The following SCUBE2 variants were observed in gnomAD, a reference collection of about 807,000 sequenced individuals.
The protein encoded by SCUBE2 is signal peptide, CUB domain and EGF like domain containing 2.
In SCUBE2, 114 loss-of-function variants were observed where a neutral mutation model predicts 125.9. The observed-to-expected ratio is 0.91, with a 90% confidence interval of 0.78 to 1.06. The LOEUF is 1.06. SCUBE2 is among the 50% of genes least tolerant of loss of function. The pLI is 0.00. For synonymous variants in SCUBE2, 459 were observed against 492.9 expected, an observed-to-expected ratio of 0.93 and a Z score of 0.91; for missense variants, 1,255 against 1,301.8, an observed-to-expected ratio of 0.96 and a Z score of 0.55.
Position 9,060,538 on chromosome 11 carries a change from A to G in SCUBE2, c.851-14T>C. On this transcript the variant is annotated splice_polypyrimidine_tract_variant and intron_variant, in intron 7 of 22. Coordinates refer to ENST00000649792, the MANE Select transcript of SCUBE2 (RefSeq NM_001367977.2). ...CAGCACACGTTTCTGGCAAGGAGGTAAGAAAAGACAATTAGCTTCCCAAAG... is the reference window on the plus strand; with the variant it reads ...CAGCACACGTTTCTGGCAAGGAGGTGAGAAAAGACAATTAGCTTCCCAAAG... 4 of 1,604,940 alleles carry G rather than the reference A, an allele frequency of 2.5e-6. No individual in the cohort carries two copies. The highest frequency in any genetic ancestry group is 2.2e-5 in the East Asian group (1 of 44,812).
intron 3 of SCUBE2, 143 bp from the exon 4 acceptor site, chr11:9,074,758 T>A: frequency 1.0e-6 from 1 of 998,002 alleles, no homozygotes; most frequent in South Asian, 1.5e-5. Flanking sequence ...TCAAAGCCGG[T>A]AAGGTCCACA....
chr11:9,055,774 A>C lies in SCUBE2; in HGVS notation c.1207+19T>G. On this transcript the variant is annotated intron_variant, in intron 10 of 22. Transcript: ENST00000649792. ...CCAGCCTCATTCCCCTCCCAACTTG[A>C]CAGGGGCAGTCTGCTCACCTCCACA... is the stretch of plus-strand genomic sequence containing the variant. The C allele has an allele frequency of 6.3e-7, 1 of 1,596,336 alleles. No homozygotes were observed.
chr11:9,033,562 G>A, intron 17 of SCUBE2, 64 bp downstream of exon 17: 2 of 1,551,398 alleles, frequency 1.3e-6, no homozygotes, highest in Non-Finnish European at 1.8e-6. Flanking sequence ...TCCTTGAGAT[G>A]CCTTCTGTCT....
chr11:9,034,620 G>C (rs1437862947), intron 16 of SCUBE2, among the ~76,000 whole-genome samples: 2 of 152,122 alleles, frequency 1.3e-5, no homozygotes, highest in African/African-American at 2.4e-5. Flanking sequence ...TTCATTCTCT[G>C]GTGGCCGGCT....
In SCUBE2 at chr11:9,053,198, G is replaced by A. The variant is rs1267859369; in HGVS notation, c.1348C>T (p.Pro450Ser). 3 of 1,614,090 alleles carry A rather than the reference G, an allele frequency of 1.9e-6. No individual in the cohort carries two copies. The highest frequency in any genetic ancestry group is 1.1e-5 in the South Asian group (1 of 91,076). The change falls in exon 12 of 23, where the codon CCC becomes TCC. Residue 450 changes from proline (P) to serine (S), a missense_variant. Coordinates refer to ENST00000649792, the MANE Select transcript of SCUBE2 (RefSeq NM_001367977.2). ...GACACACGGGGTGACACACTTGTGG[G>A]CAGGAGCCCCTTCACTTCTAGACAG... ...KDCVEVKGLL[P>S]TSVSPRVSLH...
chr11:9,053,078 C>T (rs374883608), intron 12 of SCUBE2, 21 bp downstream of exon 12: 34 of 1,602,354 alleles, frequency 2.1e-5, no homozygotes, highest in Non-Finnish European at 2.7e-5. Context: ...GGACCTGCCC[C>T]GGGAACTGGG....
rs1009071028 is a variant in SCUBE2 at position 9,030,884 on chromosome 11, G to A, written c.2215C>T (p.Pro739Ser). ...PGEYSADGFA[P>S]CQLCALGTFQ... ...GTGCCCAGGGCACAGAGCTGGCAAGGTGCAAAGCCATCTGCAGAATATTCA... is the reference window on the plus strand; with the variant it reads ...GTGCCCAGGGCACAGAGCTGGCAAGATGCAAAGCCATCTGCAGAATATTCA... The change falls in exon 18 of 23, where the codon CCT becomes TCT. Residue 739 changes from proline (P) to serine (S), a missense_variant. Pro to Ser is a moderately conservative substitution (Grantham distance 74). This residue lies in a region of SCUBE2 where 515 missense variants were observed against 515.7 expected (regional missense o/e 1.00). Coordinates refer to ENST00000649792, the MANE Select transcript of SCUBE2 (RefSeq NM_001367977.2). 51 of 1,614,052 alleles carry A rather than the reference G, an allele frequency of 3.2e-5. No individual in the cohort carries two copies. Among genetic ancestry groups the A allele is most frequent in the Non-Finnish European group, 4.3e-5 (51 of 1,180,022 alleles).
intron 9 of SCUBE2, among the ~76,000 whole-genome samples, chr11:9,058,600 A>G (rs1459843477): frequency 1.2e-4 from 9 of 75,360 alleles, no homozygotes; most frequent in Non-Finnish European, 1.4e-4. Context: ...TGTCTCAAAA[A>G]AAAAAAAAAA....
In SCUBE2 at chr11:9,047,437, C is replaced by T. The variant is rs924117109; in HGVS notation, c.1921G>A (p.Val641Met). The T allele has an allele frequency of 3.7e-6, 6 of 1,614,004 alleles. No individual in the cohort carries two copies. Among genetic ancestry groups the T allele is most frequent in the South Asian group, 3.3e-5 (3 of 91,082 alleles). ...GATGTTCTGGGAGGCTTTTTAGCCA[C>T]GTCGAGGTTCATGCCTGAGAGCTGG... Reference protein sequence around the residue: ...HLQLSGMNLDVAKKPPRTSER... With the variant: ...HLQLSGMNLDMAKKPPRTSER... Residue 641 changes from valine (V) to methionine (M), a missense_variant, in exon 16 of 23, where the codon GTG becomes ATG. By Grantham distance (21) the Val-to-Met change is conservative (BLOSUM62 1). Transcript: ENST00000649792.
chr11:9,079,514 G>A lies in SCUBE2; in HGVS notation c.257-5C>T, dbSNP rs1490208848. 6 of 1,612,756 alleles carry A rather than the reference G, an allele frequency of 3.7e-6. No individual in the cohort carries two copies. The highest frequency in any genetic ancestry group is 5.1e-6 in the Non-Finnish European group (6 of 1,179,414). On this transcript the variant is annotated splice_region_variant and splice_polypyrimidine_tract_variant and intron_variant, in intron 2 of 22. Transcript: ENST00000649792. Reference sequence around the variant, plus strand: ...CATTTCCACATTCATCGATGTCTGAGGAATAAAACAGAAGTAAACCAGACA... The same window carrying A: ...CATTTCCACATTCATCGATGTCTGAAGAATAAAACAGAAGTAAACCAGACA...
chr11:9,056,694 T>A (rs1159657614), intron 9 of SCUBE2, among the ~76,000 whole-genome samples: 1 of 152,178 alleles, frequency 6.6e-6, no homozygotes, highest in Non-Finnish European at 1.5e-5. Context: ...TTTCCCTGGG[T>A]CTGGCCCTCA....
chr11:9,045,606 GACAGACACAC>G lies in SCUBE2; in HGVS notation c.2002+1740_2002+1749del, dbSNP rs1370436974. Among the ~76,000 whole-genome samples the G allele has an allele frequency of 7.0e-3, 807 of 115,118 alleles. 7 individuals are homozygous for G. The highest frequency in any genetic ancestry group is 0.013 in the South Asian group (39 of 3,092). 75.5% of individuals were successfully genotyped at this position (115,118 alleles called of 152,430 possible). ...ATAGACCAGGACTAGAAGACAGACA[GACAGACACAC>G]ACACACACACACACACACACACACA... On this transcript the variant is annotated intron_variant, in intron 16 of 22. Coordinates refer to ENST00000649792, the MANE Select transcript of SCUBE2 (RefSeq NM_001367977.2).
At chr11:9,061,316 G>A (rs1025506639) in intron 7 of SCUBE2, among the ~76,000 whole-genome samples, 1 of 152,118 alleles carries the variant, frequency 6.6e-6, no homozygotes, top group African/African-American at 2.4e-5. Flanking sequence ...CAACACTTTG[G>A]GAGGCTGAGG....
rs148681977 is a variant in SCUBE2 at position 9,068,348 on chromosome 11, G to A, written c.643+1022C>T. Reference sequence around the variant, plus strand: ...CAGGTGGAGTTTTGTTACTACAATCGTGGTGCAGGAGCTGCGGCCCGATGG... The same window carrying A: ...CAGGTGGAGTTTTGTTACTACAATCATGGTGCAGGAGCTGCGGCCCGATGG... On this transcript the variant is annotated intron_variant, in intron 5 of 22. Transcript: ENST00000649792. 3.0e-4 allele frequency among the ~76,000 whole-genome samples: 45 copies of A among 152,288 alleles called. 1 individual carries two copies. The East Asian group carries it at 8.1e-3, about 27-fold the overall frequency.
chr11:9,053,170 A>G lies in SCUBE2; in HGVS notation c.1376T>C (p.Leu459Pro). 6.2e-7 allele frequency: 1 copy of G among 1,614,244 alleles called. No homozygotes were observed. The highest frequency in any genetic ancestry group is 8.5e-7 in the Non-Finnish European group (1 of 1,180,036). The change falls in exon 12 of 23, where the codon CTG becomes CCG. Residue 459 changes from leucine (L) to proline (P), a missense_variant. Coordinates refer to ENST00000649792, the MANE Select transcript of SCUBE2 (RefSeq NM_001367977.2). ...LPTSVSPRVS[L>P]HCGKSGGGDG... ...TCCTCCACCACTCTTACCGCAGTGC[A>G]GGGACACACGGGGTGACACACTTGT... is the stretch of plus-strand genomic sequence containing the variant.
At chr11:9,069,817 G>A (rs144033721) in intron 4 of SCUBE2, among the ~76,000 whole-genome samples, 60 of 152,328 alleles carry the variant, frequency 3.9e-4, no homozygotes, top group African/African-American at 1.4e-3. Flanking sequence ...TCTCTGCCAT[G>A]TCTTTACCCA....
chr11:9,051,264 A>G (rs1046977020), intron 13 of SCUBE2, among the ~76,000 whole-genome samples: 6 of 152,054 alleles, frequency 3.9e-5, no homozygotes, highest in African/African-American at 1.4e-4. Context: ...CTATCTACCT[A>G]TCTATCTATC....
chr11:9,069,113 C>T (rs2135751070), intron 5 of SCUBE2, among the ~76,000 whole-genome samples: 1 of 152,290 alleles, frequency 6.6e-6, no homozygotes, highest in Admixed American at 6.5e-5. Flanking sequence ...GGGAGAACTG[C>T]CCCCCAACAT....
At chr11:9,054,341 C>A (rs1033978901) in intron 10 of SCUBE2, among the ~76,000 whole-genome samples, 2 of 152,096 alleles carry the variant, frequency 1.3e-5, no homozygotes, top group African/African-American at 4.8e-5. Context: ...TAGCAACACT[C>A]AGAAGGATCC....
Sources: gnomAD v4.1 joint callset for allele counts (sites outside exome capture counted in the v4.1 genomes callset) on GRCh38, gnomAD v4.1.1 for gene constraint, gnomAD v4.1.1 regional missense constraint, MANE v1.5 for transcripts, NCBI Gene and HGNC (gene_info 2026-07-23, HGNC 2026-07-21) for gene names.